The following OSBPL9 variants were observed in gnomAD, a reference collection of about 807,000 sequenced individuals.
The protein encoded by OSBPL9 is oxysterol binding protein like 9.
A neutral mutation model predicts 106.6 loss-of-function variants in OSBPL9; 40 were observed. The ratio of observed to expected loss-of-function variants is 0.38; its 90% CI spans 0.29 to 0.49. The LOEUF (loss-of-function observed/expected upper bound fraction) is 0.49. Ranked by LOEUF, OSBPL9 falls within the 20% of genes least tolerant of loss-of-function variation. The pLI, the probability that OSBPL9 is intolerant of heterozygous loss-of-function variation, is 0.97. For missense variants in OSBPL9, 609 were observed against 887.2 expected, an observed-to-expected ratio of 0.69 and a Z score of 3.98; for synonymous variants, 269 against 295.4, an observed-to-expected ratio of 0.91 and a Z score of 0.92.
chr1:51,606,590 A>G (rs137944930), intron 2 of OSBPL9, among the ~76,000 whole-genome samples: 10 of 152,342 alleles, frequency 6.6e-5, no homozygotes, highest in African/African-American at 2.4e-4. Context: ...AATGCTGCTT[A>G]TTTCAGCTCT....
intron 2 of OSBPL9, among the ~76,000 whole-genome samples, chr1:51,660,526 A>G (rs751440832): frequency 6.6e-6 from 1 of 152,246 alleles, no homozygotes; most frequent in Non-Finnish European, 1.5e-5. Flanking sequence ...CTCAAAATGT[A>G]GAAAAGTTAC....
upstream of OSBPL9, among the ~76,000 whole-genome samples, chr1:51,572,382 C>T (rs1037103852): frequency 3.3e-5 from 5 of 152,136 alleles, no homozygotes; most frequent in Non-Finnish European, 5.9e-5. Context: ...TGGTTATTAT[C>T]TCCATCTAGT....
chr1:51,578,852 G>A (rs1645202256), intron 1 of OSBPL9, among the ~76,000 whole-genome samples: 1 of 152,162 alleles, frequency 6.6e-6, no homozygotes, highest in African/African-American at 2.4e-5. Flanking sequence ...AGTGTGGTAA[G>A]GGTAGTGATA....
At chr1:51,598,721 C>T (rs904312038) in intron 2 of OSBPL9, among the ~76,000 whole-genome samples, 1 of 152,068 alleles carries the variant, frequency 6.6e-6, no homozygotes, top group South Asian at 2.1e-4. Context: ...GGGCTGGGCA[C>T]GGTGGCTCAC....
chr1:51,770,966 G>A (rs1254296335), intron 12 of OSBPL9, among the ~76,000 whole-genome samples: 1 of 152,040 alleles, frequency 6.6e-6, no homozygotes, highest in African/African-American at 2.4e-5. Context: ...TAGACTTTGA[G>A]TGATAATGAT....
At chr1:51,581,175 T>C (rs1354180879) in intron 1 of OSBPL9, among the ~76,000 whole-genome samples, 1 of 151,606 alleles carries the variant, frequency 6.6e-6, no homozygotes, top group African/African-American at 2.4e-5. Context: ...TCTGCCTGCC[T>C]TGGCCTCCCA....
At chr1:51,585,352 C>G (rs1318279035) in intron 1 of OSBPL9, among the ~76,000 whole-genome samples, 3 of 152,142 alleles carry the variant, frequency 2.0e-5, no homozygotes, top group Admixed American at 2.0e-4. Flanking sequence ...GTTTTACCAT[C>G]TGTAGATTAG....
intron 22 of OSBPL9, among the ~76,000 whole-genome samples, chr1:51,787,039 T>C (rs925635688): frequency 2.6e-5 from 4 of 152,166 alleles, no homozygotes; most frequent in African/African-American, 9.7e-5. Flanking sequence ...GGTAAACTGA[T>C]TGACCCAGAG....
At chr1:51,518,635 G>A in the OSBPL9 span, among the ~76,000 whole-genome samples, 1 of 152,214 alleles carries the variant, frequency 6.6e-6, no homozygotes, top group African/African-American at 2.4e-5. Context: ...TAAACTCTGG[G>A]AAGGGAGGGC....
chr1:51,767,695 A>G (rs1488363551), intron 12 of OSBPL9, among the ~76,000 whole-genome samples: 1 of 152,208 alleles, frequency 6.6e-6, no homozygotes, highest in Non-Finnish European at 1.5e-5. Context: ...AGGCCAGTGT[A>G]GCAGAAAGGG....
At chr1:51,675,474 T>C (rs556486953) in intron 3 of OSBPL9, among the ~76,000 whole-genome samples, 41 of 152,200 alleles carry the variant, frequency 2.7e-4, no homozygotes, top group African/African-American at 9.4e-4. Flanking sequence ...ATAAAATGCA[T>C]CTATGGGCTA....
chr1:51,519,504 C>A, the OSBPL9 span, among the ~76,000 whole-genome samples: 1 of 151,894 alleles, frequency 6.6e-6, no homozygotes, highest in African/African-American at 2.4e-5. Flanking sequence ...TTGGAAAACC[C>A]GGCGCGGACA....
At chr1:51,697,647 A>G (rs1295177726) in intron 3 of OSBPL9, among the ~76,000 whole-genome samples, 1 of 151,514 alleles carries the variant, frequency 6.6e-6, no homozygotes, top group Non-Finnish European at 1.5e-5. Context: ...CCTAAAAGCT[A>G]CTTCTTGTAG....
chr1:51,743,498 TTTAG>T (rs1291803443), intron 4 of OSBPL9, among the ~76,000 whole-genome samples: 1 of 152,238 alleles, frequency 6.6e-6, no homozygotes, highest in Non-Finnish European at 1.5e-5. Flanking sequence ...AAAAGGATGT[TTTAG>T]TTAGATTTTT....
At chr1:51,632,730 A>G (rs749943146) in intron 1 of OSBPL9, among the ~76,000 whole-genome samples, 2 of 152,250 alleles carry the variant, frequency 1.3e-5, no homozygotes, top group South Asian at 4.1e-4. Context: ...TTATGTTTAC[A>G]TGGCATAAGT....
At chr1:51,742,070 ATGT>A (rs147877711) in intron 4 of OSBPL9, among the ~76,000 whole-genome samples, 1,812 of 152,274 alleles carry the variant, frequency 0.012, 37 homozygotes, top group African/African-American at 0.042. Flanking sequence ...GGGAAGACCG[ATGT>A]TGTGGCATCA....
intron 1 of OSBPL9, among the ~76,000 whole-genome samples, chr1:51,628,897 T>C (rs892767480): frequency 3.9e-5 from 6 of 151,988 alleles, no homozygotes; most frequent in African/African-American, 1.4e-4. Flanking sequence ...TTGGCCAGGC[T>C]GGTCTCCTGA....
the OSBPL9 span, among the ~76,000 whole-genome samples, chr1:51,537,329 T>G: frequency 1.3e-5 from 2 of 152,194 alleles, no homozygotes; most frequent in African/African-American, 4.8e-5. Context: ...AACACCTCCT[T>G]GCTTTCTGGC....
chr1:51,761,722 G>C (rs77297569), intron 10 of OSBPL9, 145 bp from the exon 11 acceptor site: 7,298 of 593,884 alleles, frequency 0.012, 81 homozygotes, highest in African/African-American at 0.044. Context: ...GAAGTCAAAA[G>C]GAAGGAGTAG....
Sources: allele counts gnomAD v4.1 joint callset (sites outside exome capture counted in the v4.1 genomes callset), GRCh38; gene constraint gnomAD v4.1.1; transcripts MANE v1.5; gene names NCBI Gene and HGNC (gene_info 2026-07-23, HGNC 2026-07-21).